ABCG5: variants seen among roughly 807,000 people sequenced by gnomAD.
ABCG5 encodes ATP binding cassette subfamily G member 5.
In ABCG5, 64 loss-of-function variants were observed where a neutral mutation model predicts 64.5. The ratio of observed to expected loss-of-function variants is 0.99; its 90% CI spans 0.81 to 1.22. The LOEUF is 1.22. Among genes scored for constraint, ABCG5 ranks in the 50% most tolerant of loss-of-function variants. The pLI, the probability that ABCG5 is intolerant of heterozygous loss-of-function variation, is 0.00. For missense variants in ABCG5, 908 were observed against 829.5 expected (o/e 1.09, Z -1.16); for synonymous variants, 385 against 326.3 (o/e 1.18, Z -1.94).
At chr2:43,834,955 T>C (rs2104879433) in intron 2 of ABCG5, among the ~76,000 whole-genome samples, 1 of 152,388 alleles carries the variant, frequency 6.6e-6, no homozygotes, top group Admixed American at 6.5e-5. Flanking sequence ...AATTGTCATT[T>C]TATGCAATAC....
chr2:43,813,589 T>G (rs1666602691), intron 12 of ABCG5, among the ~76,000 whole-genome samples: 2 of 152,018 alleles, frequency 1.3e-5, no homozygotes, highest in South Asian at 4.2e-4. Flanking sequence ...GTTACTGACA[T>G]TATCACTTAA....
At chr2:43,819,614 G>T (rs1667057890) in intron 11 of ABCG5, among the ~76,000 whole-genome samples, 1 of 152,028 alleles carries the variant, frequency 6.6e-6, no homozygotes, top group Non-Finnish European at 1.5e-5. Context: ...TGTGGGCTGT[G>T]AGTTTTTCCT....
chr2:43,815,876 T>C (rs1231073606), intron 11 of ABCG5, among the ~76,000 whole-genome samples: 6 of 134,890 alleles, frequency 4.4e-5, no homozygotes, highest in African/African-American at 1.7e-4. Flanking sequence ...GCAAGAAGGA[T>C]GGCTAGAATG....
Position 43,837,864 on chromosome 2 carries a change from C to T in ABCG5, c.235G>A (p.Gly79Arg), listed in dbSNP as rs142125966. The T allele has an allele frequency of 5.7e-4, 924 of 1,613,960 alleles. No homozygotes were observed. The highest frequency in any genetic ancestry group is 7.3e-4 in the Non-Finnish European group (858 of 1,179,982). Residue 79 changes from glycine to arginine, a missense_variant, in exon 2 of 13, where the codon GGG becomes AGG. Gly to Arg is a moderately radical substitution (Grantham distance 125). Transcript: ENST00000405322. The stretch of plus-strand genomic sequence containing the variant: ...CTTCCTAGGATGCACATGATCTGCC[C>T]GCTCTCCACGTACAAGGAGACATCT... ...LKDVSLYVES[G>R]QIMCILGSSG...
Position 43,816,122 on chromosome 2 carries a change from A to G in ABCG5, c.1650-1533T>C, listed in dbSNP as rs957481401. Among the ~76,000 whole-genome samples, 13 of 152,326 alleles carry G rather than the reference A, an allele frequency of 8.5e-5. 1 individual carries two copies. In the South Asian group the frequency reaches 2.5e-3, roughly 29 times the overall value. On this transcript the variant is annotated intron_variant, in intron 11 of 12. Transcript: ENST00000405322. ...TGCACCTATGGTTTGATATCAGAAA[A>G]GAAAACCAACATGATTTGGTGAGTG...
intron 2 of ABCG5, among the ~76,000 whole-genome samples, chr2:43,837,531 G>C (rs1251696755): frequency 1.3e-5 from 2 of 152,130 alleles, no homozygotes; most frequent in Non-Finnish European, 2.9e-5. Flanking sequence ...TCCTTTTCCT[G>C]TCTCTAGGCA....
chr2:43,831,714 G>A, intron 4 of ABCG5, 55 bp downstream of exon 4: 2 of 1,485,282 alleles, frequency 1.3e-6, no homozygotes, highest in Admixed American at 3.9e-5. Flanking sequence ...GAGGAGGGCA[G>A]CGGGGGGTGC....
Position 43,838,316 on chromosome 2 carries a change from G to C in ABCG5, c.143+221C>G. Reference sequence around the variant, plus strand: ...GTTGGCAGGGCACTGCTGCCACTTTGTTTATGCCCAGGCCCTTCCCTGGGC... The same window carrying C: ...GTTGGCAGGGCACTGCTGCCACTTTCTTTATGCCCAGGCCCTTCCCTGGGC... On this transcript the variant is annotated intron_variant, in intron 1 of 12. Transcript: ENST00000405322. The surrounding 1 kb of genome is among the most constrained non-coding windows in gnomAD (Gnocchi z 4.2). 1 of 612,524 alleles carries C rather than the reference G, an allele frequency of 1.6e-6. No homozygotes were observed. The highest frequency in any genetic ancestry group is 2.9e-6 in the Non-Finnish European group (1 of 349,642). 37.9% of individuals were successfully genotyped at this position (612,524 alleles called of 1,614,324 possible). A position where few individuals can be genotyped will look rare whatever the true frequency, so the allele number is the denominator to read the frequency against.
At chr2:43,832,316 G>T in intron 2 of ABCG5, 1 of 603,434 alleles carries the variant, frequency 1.7e-6, no homozygotes, top group South Asian at 2.0e-5. Flanking sequence ...GAGTGAGAGG[G>T]GACATGCCAT....
upstream of ABCG5, chr2:43,839,107 G>C: frequency 6.4e-7 from 1 of 1,551,284 alleles, no homozygotes; most frequent in Non-Finnish European, 8.7e-7. Flanking sequence ...CCACTCCCCA[G>C]GATACCTCGG....
downstream of ABCG5, among the ~76,000 whole-genome samples, chr2:43,808,531 A>ATATGT (rs1184895103): frequency 6.6e-6 from 1 of 152,216 alleles, no homozygotes; most frequent in Non-Finnish European, 1.5e-5. Flanking sequence ...ATTGAACAAC[A>ATATGT]TGTAGGAGGC....
At position 43,821,596 on chromosome 2, in the gene ABCG5, C is replaced by G. The variant is rs557308320; in HGVS notation, c.1463+1201G>C. Among the ~76,000 whole-genome samples, 4 of 152,294 alleles carry G rather than the reference C, an allele frequency of 2.6e-5. No homozygotes were observed. In the East Asian group the frequency reaches 5.8e-4, roughly 22 times the overall value. On this transcript the variant is annotated intron_variant, in intron 10 of 12. Coordinates refer to ENST00000405322, the MANE Select transcript of ABCG5 (RefSeq NM_022436.3). ...AGTTCCCACATCTGGGGACCCTATTCTCCCTTAAGCAATGGAAGGTGTGCT... is the reference window on the plus strand; with the variant it reads ...AGTTCCCACATCTGGGGACCCTATTGTCCCTTAAGCAATGGAAGGTGTGCT...
the ABCG5 span, among the ~76,000 whole-genome samples, chr2:43,806,531 G>C: frequency 6.6e-6 from 1 of 152,192 alleles, no homozygotes; most frequent in East Asian, 1.9e-4. Flanking sequence ...TGTAGAAACA[G>C]GAAAATGACC....
At chr2:43,831,601 T>C (rs190636886) in intron 4 of ABCG5, among the ~76,000 whole-genome samples, 168 bp downstream of exon 4, 10 of 152,312 alleles carry the variant, frequency 6.6e-5, no homozygotes, top group Middle Eastern at 3.4e-3. Context: ...CAAAGGCACA[T>C]GTGACTAGGG....
intron 4 of ABCG5, among the ~76,000 whole-genome samples, chr2:43,829,466 A>G (rs1667837359): frequency 6.6e-6 from 1 of 152,194 alleles, no homozygotes; most frequent in South Asian, 2.1e-4. Context: ...TAAAGCCTGT[A>G]ACTCCCTGAA....
chr2:43,829,661 A>T (rs4148180), intron 4 of ABCG5, among the ~76,000 whole-genome samples: 68,704 of 152,086 alleles, frequency 0.45, 16,421 homozygotes, highest in East Asian at 0.82. Flanking sequence ...ATTACCTCTA[A>T]CTGCAGAAAC....
At chr2:43,828,280 T>C (rs1022768149) in intron 4 of ABCG5, 165 bp from the exon 5 acceptor site, 4 of 916,470 alleles carry the variant, frequency 4.4e-6, no homozygotes, top group Non-Finnish European at 6.8e-6. Context: ...AATAATATGA[T>C]CCAATTCGGC....
chr2:43,816,041 C>G (rs781612332), intron 11 of ABCG5, among the ~76,000 whole-genome samples: 1 of 152,024 alleles, frequency 6.6e-6, no homozygotes, highest in Non-Finnish European at 1.5e-5. Flanking sequence ...GAGGTAGGAA[C>G]TGTGAACCTT....
intron 2 of ABCG5, among the ~76,000 whole-genome samples, chr2:43,835,826 C>T (rs981674690): frequency 2.6e-5 from 4 of 152,142 alleles, no homozygotes; most frequent in Admixed American, 2.0e-4. Context: ...CCCTTGATCT[C>T]GGACTTCCCA....
Sources: allele counts gnomAD v4.1 joint callset (sites outside exome capture counted in the v4.1 genomes callset), GRCh38; gene constraint gnomAD v4.1.1; non-coding constraint Gnocchi (gnomAD v3.1); transcripts MANE v1.5; gene names NCBI Gene and HGNC (gene_info 2026-07-23, HGNC 2026-07-21).